TBKBP1: variants seen among roughly 807,000 people sequenced by gnomAD.
TBKBP1 encodes TANK-binding kinase 1-binding protein 1.
A neutral mutation model predicts 69.9 loss-of-function variants in TBKBP1; 47 were observed. That is an observed-to-expected ratio of 0.67 (90% CI 0.53 to 0.86). TBKBP1 has a LOEUF of 0.86. Ranked by LOEUF, TBKBP1 falls within the 40% of genes least tolerant of loss-of-function variation. TBKBP1 has a pLI of 0.00. For synonymous variants in TBKBP1, 418 were observed against 390.3 expected (o/e 1.07, Z -0.84); for missense variants, 831 against 858.6 (o/e 0.97, Z 0.40).
intron 5 of TBKBP1, among the ~76,000 whole-genome samples, 191 bp from the exon 6 acceptor site, chr17:47,699,129 T>G (rs1372763308): frequency 6.6e-6 from 1 of 152,142 alleles, no homozygotes; most frequent in Admixed American, 6.5e-5. Context: ...ATTTTTTTCC[T>G]GGCCTCCAGG....
chr17:47,695,509 G>T (rs955472193), intron 1 of TBKBP1: 1 of 152,572 alleles, frequency 6.6e-6, no homozygotes, highest in Non-Finnish European at 1.5e-5. Flanking sequence ...CCACAGCCCC[G>T]GTGCGCCCGG....
chr17:47,709,898 C>A (rs2031862104), intron 9 of TBKBP1, among the ~76,000 whole-genome samples: 1 of 152,244 alleles, frequency 6.6e-6, no homozygotes, highest in South Asian at 2.1e-4. Context: ...CTGGCTCAAG[C>A]ACCTGCTATT....
chr17:47,698,502 C>G, intron 4 of TBKBP1, 93 bp from the exon 5 acceptor site: 1 of 1,324,520 alleles, frequency 7.5e-7, no homozygotes, highest in Non-Finnish European at 1.0e-6. Context: ...GGATGTGTGA[C>G]CTGGGGCCTC....
In TBKBP1 at chr17:47,697,638, G is replaced by A. The variant is rs117399892; in HGVS notation, c.453+445G>A. Among the ~76,000 whole-genome samples, 978 of 152,198 alleles carry A rather than the reference G, an allele frequency of 6.4e-3. 9 individuals carry two copies. The highest frequency in any genetic ancestry group is 0.017 in the Middle Eastern group (5 of 294). On this transcript the variant is annotated intron_variant, in intron 4 of 9. Coordinates refer to ENST00000578982, the MANE Select transcript of TBKBP1 (RefSeq NM_001394755.1). Reference sequence around the variant, plus strand: ...TGGGCCTGTGCTTGGGTGTGCTTCCGAGTCAGGGTATGGCTGTGCCGGTGA... The same window carrying A: ...TGGGCCTGTGCTTGGGTGTGCTTCCAAGTCAGGGTATGGCTGTGCCGGTGA...
Position 47,709,235 on chromosome 17 carries a change from G to A in TBKBP1, c.1502G>A (p.Arg501Lys), listed in dbSNP as rs771542930. The A allele has an allele frequency of 6.6e-7, 1 of 1,525,214 alleles. No homozygotes were observed. Among genetic ancestry groups the A allele is most frequent in the East Asian group, 2.6e-5 (1 of 38,296 alleles). The allele number at this position is 1,525,214 out of a possible 1,614,324, so 94.5% of individuals were successfully genotyped here. A position where few individuals can be genotyped will look rare whatever the true frequency, so the allele number is the denominator to read the frequency against. ...GGCAGCGAGCTCTACGGCCCTGGCAGGCCCCTCAGCCCGCGGCGCGCCTTC... is the reference window on the plus strand; with the variant it reads ...GGCAGCGAGCTCTACGGCCCTGGCAAGCCCCTCAGCCCGCGGCGCGCCTTC... The part of the protein sequence containing the change: ...AYGSELYGPG[R>K]PLSPRRAFEG... The change falls in exon 9 of 10, where the codon AGG (arginine) becomes AAG (lysine). Residue 501 changes from arginine (R) to lysine (K), a missense_variant. Arg to Lys is a conservative substitution (Grantham distance 26). Coordinates refer to ENST00000578982, the MANE Select transcript of TBKBP1 (RefSeq NM_001394755.1).
intron 9 of TBKBP1, 107 bp downstream of exon 9, chr17:47,709,559 C>G: frequency 7.3e-7 from 1 of 1,373,066 alleles, no homozygotes; most frequent in Non-Finnish European, 9.4e-7. Flanking sequence ...TGTCAGCGCA[C>G]AAACTATTCA....
At chr17:47,697,881 C>A (rs1019873432) in intron 4 of TBKBP1, among the ~76,000 whole-genome samples, 1 of 143,900 alleles carries the variant, frequency 6.9e-6, no homozygotes, top group African/African-American at 2.6e-5. Flanking sequence ...CCCAGGAGAT[C>A]GAAGCTTTGG....
chr17:47,705,947 C>T, intron 7 of TBKBP1, among the ~76,000 whole-genome samples: 1 of 152,168 alleles, frequency 6.6e-6, no homozygotes, highest in East Asian at 1.9e-4. Context: ...GCATTGTGGG[C>T]CAGGGCTTCT....
At chr17:47,700,629 T>G (rs900730066) in intron 7 of TBKBP1, among the ~76,000 whole-genome samples, 4 of 151,924 alleles carry the variant, frequency 2.6e-5, no homozygotes, top group African/African-American at 9.7e-5. Flanking sequence ...TTTCTTGGGA[T>G]TTGTTGGGCC....
At position 47,711,505 on chromosome 17, in the gene TBKBP1, T is replaced by TGAC. The variant is rs2031922082; in HGVS notation, c.*879_*880insGAC. The TGAC allele has an allele frequency of 6.6e-6, 1 of 152,626 alleles. No homozygotes were observed. Among genetic ancestry groups the TGAC allele is most frequent in the African/African-American group, 2.4e-5 (1 of 41,410 alleles). 9.5% of individuals were successfully genotyped at this position (152,626 alleles called of 1,614,324 possible). Reference sequence around the variant, plus strand: ...GAGCCCTTGTGTGACTCAGCCTCTGTTAGCTGGGTGGGTGTCATCAGCCCC... The same window carrying TGAC: ...GAGCCCTTGTGTGACTCAGCCTCTGTGACTAGCTGGGTGGGTGTCATCAGCCCC... On this transcript the variant is annotated 3_prime_UTR_variant, in exon 10 of 10. Transcript: ENST00000578982.
At chr17:47,705,847 T>C (rs1202697872) in intron 7 of TBKBP1, among the ~76,000 whole-genome samples, 1 of 152,038 alleles carries the variant, frequency 6.6e-6, no homozygotes, top group African/African-American at 2.4e-5. Context: ...GCCGGGGACT[T>C]AGCAGTCTTT....
intron 4 of TBKBP1, 131 bp from the exon 5 acceptor site, chr17:47,698,464 A>G (rs976724503): frequency 2.0e-6 from 2 of 981,416 alleles, no homozygotes; most frequent in Non-Finnish European, 2.9e-6. Flanking sequence ...GAGACTTTGC[A>G]CTCACAGCCA....
At chr17:47,697,328 C>T (rs748731465) in intron 4 of TBKBP1, 135 bp downstream of exon 4, 3 of 765,464 alleles carry the variant, frequency 3.9e-6, no homozygotes, top group African/African-American at 1.7e-5. Flanking sequence ...CTTGTTTGTG[C>T]CCTGCTTGTG....
At position 47,696,101 on chromosome 17, in the gene TBKBP1, C is replaced by A. The variant is rs145958867; in HGVS notation, c.-12C>A. 5.5e-3 allele frequency: 8,759 copies of A among 1,600,174 alleles called. 109 individuals are homozygous for A. The highest frequency in any genetic ancestry group is 0.036 in the South Asian group (3,290 of 90,380). On this transcript the variant is annotated 5_prime_UTR_variant, in exon 2 of 10. Coordinates refer to ENST00000578982, the MANE Select transcript of TBKBP1 (RefSeq NM_001394755.1). ...TAGGAGGCCCCGTGTGGGCCGCGGC[C>A]CGGCCCTCACCATGGAGTCCATGTT...
At chr17:47,703,413 G>A (rs994157915) in intron 7 of TBKBP1, among the ~76,000 whole-genome samples, 5 of 152,144 alleles carry the variant, frequency 3.3e-5, no homozygotes, top group Admixed American at 1.3e-4. Context: ...CCCCCTTCAC[G>A]CTTCTCACCC....
At chr17:47,698,943 A>C (rs2031370122) in intron 5 of TBKBP1, among the ~76,000 whole-genome samples, 168 bp downstream of exon 5, 1 of 151,066 alleles carries the variant, frequency 6.6e-6, no homozygotes, top group South Asian at 2.1e-4. Flanking sequence ...TGTTACCCTA[A>C]TTTCTCCCCT....
Position 47,696,830 on chromosome 17 carries a change from T to C in TBKBP1, c.345T>C (p.His115=). The C allele has an allele frequency of 6.2e-7, 1 of 1,613,654 alleles. No homozygotes were observed. The change falls in exon 3 of 10, where the codon CAT becomes CAC. Residue 115 remains histidine (H), a synonymous_variant. Transcript: ENST00000578982. ...AGCAACGGCTCAACCAGTTCCAGCA[T>C]GAGGTGAGCCTACCAGGCTGGGCGC... The part of the protein sequence containing the change: ...SLQQRLNQFQ[H]ELQKNKEQEE...
chr17:47,700,289 CTTTTT>C (rs774797034), intron 7 of TBKBP1, among the ~76,000 whole-genome samples: 20 of 41,462 alleles, frequency 4.8e-4, no homozygotes, highest in East Asian at 2.8e-3. Flanking sequence ...GCGCCCGGAC[CTTTTT>C]TTTTTTTTTT....
intron 7 of TBKBP1, among the ~76,000 whole-genome samples, chr17:47,706,861 A>ACG (rs2031717375): frequency 6.6e-6 from 1 of 151,402 alleles, no homozygotes; most frequent in Non-Finnish European, 1.5e-5. Flanking sequence ...ACACACACAC[A>ACG]CACACACACG....
Sources: gnomAD v4.1 joint callset for allele counts (sites outside exome capture counted in the v4.1 genomes callset) on GRCh38, gnomAD v4.1.1 for gene constraint, MANE v1.5 for transcripts, NCBI Gene and HGNC (gene_info 2026-07-23, HGNC 2026-07-21) for gene names.